RAP1A: variants seen among roughly 807,000 people sequenced by gnomAD.
RAP1A encodes ras-related protein Rap-1A.
RAP1A carries 6 observed loss-of-function variants against 26.4 expected under a neutral mutation model. That is an observed-to-expected ratio of 0.23 (90% CI 0.12 to 0.45). RAP1A has a LOEUF of 0.45. Ranked by LOEUF, RAP1A falls within the 20% of genes least tolerant of loss-of-function variation. RAP1A has a pLI of 0.99. For missense variants in RAP1A, 121 were observed against 217.2 expected (o/e 0.56, Z 2.78); for synonymous variants, 73 against 79.4 (o/e 0.92, Z 0.43).
rs2800905 is a variant in RAP1A, at chr1:111,565,700, G to A, written c.-28+23191G>A. 6.3e-3 allele frequency among the ~76,000 whole-genome samples: 962 copies of A among 152,168 alleles called. 12 individuals carry two copies. The highest frequency in any genetic ancestry group is 0.022 in the African/African-American group (910 of 41,480). ...CCTTTAAATTCAACCTTACAGTTTT[G>A]GTAGGACTACTTCTACTTTTGTCAT... On this transcript the variant is annotated intron_variant, in intron 1 of 7. Coordinates refer to the RAP1A transcript ENST00000356415.
At chr1:111,670,071 T>A (rs758031156) in intron 1 of RAP1A, among the ~76,000 whole-genome samples, 1 of 150,648 alleles carries the variant, frequency 6.6e-6, no homozygotes. Context: ...AAACTGGGAG[T>A]TTTTTTTTGT....
chr1:111,589,650 T>G (rs1658434285), intron 1 of RAP1A, among the ~76,000 whole-genome samples: 1 of 152,222 alleles, frequency 6.6e-6, no homozygotes, highest in African/African-American at 2.4e-5. Flanking sequence ...CATACAGTTT[T>G]CTGATTCCTT....
At chr1:111,591,401 T>C (rs544188781) in intron 1 of RAP1A, among the ~76,000 whole-genome samples, 182 of 152,340 alleles carry the variant, frequency 1.2e-3, no homozygotes, top group African/African-American at 4.3e-3. Context: ...ATTCAATGTC[T>C]TGAGATGGAC....
At chr1:111,594,737 A>T (rs1658535084) in intron 1 of RAP1A, among the ~76,000 whole-genome samples, 1 of 152,156 alleles carries the variant, frequency 6.6e-6, no homozygotes, top group Admixed American at 6.5e-5. Context: ...ACCTGAGCCC[A>T]CTGATGAATA....
chr1:111,631,206 C>T (rs1659557924), intron 1 of RAP1A, among the ~76,000 whole-genome samples: 1 of 152,158 alleles, frequency 6.6e-6, no homozygotes, highest in Non-Finnish European at 1.5e-5. Context: ...GATCCTAGCA[C>T]TGGGTTTTGT....
At chr1:111,655,658 C>CT (rs34266778) in intron 1 of RAP1A, among the ~76,000 whole-genome samples, 33,613 of 84,674 alleles carry the variant, frequency 0.4, 9,573 homozygotes, top group East Asian at 0.57. Flanking sequence ...TGTTCATAGT[C>CT]TTTTTTTTTT....
chr1:111,543,890 T>TAG (rs1389790057), intron 1 of RAP1A, among the ~76,000 whole-genome samples: 2 of 152,014 alleles, frequency 1.3e-5, no homozygotes, highest in East Asian at 3.9e-4. Context: ...AGAGAGAGAG[T>TAG]AGACAATGAT....
chr1:111,591,709 T>C (rs1201155309), intron 1 of RAP1A, among the ~76,000 whole-genome samples: 1 of 152,244 alleles, frequency 6.6e-6, no homozygotes, highest in African/African-American at 2.4e-5. Flanking sequence ...GGTGTCATGA[T>C]GTCACCAGAG....
chr1:111,549,456 C>T (rs965892289), intron 1 of RAP1A, among the ~76,000 whole-genome samples: 2 of 151,634 alleles, frequency 1.3e-5, no homozygotes. Context: ...CAAGACCAGC[C>T]TGACCAATAT....
chr1:111,658,948 T>C (rs572005200), intron 1 of RAP1A, among the ~76,000 whole-genome samples: 8 of 152,212 alleles, frequency 5.3e-5, no homozygotes, highest in African/African-American at 1.9e-4. Flanking sequence ...AGAATTGTTA[T>C]GTCTTCTTGG....
chr1:111,552,252 C>G lies in RAP1A; in HGVS notation c.-28+9743C>G, dbSNP rs138239563. 1.6e-4 allele frequency among the ~76,000 whole-genome samples: 24 copies of G among 152,316 alleles called. 1 individual carries two copies. The East Asian group carries it at 4.6e-3, about 29-fold the overall frequency. On this transcript the variant is annotated intron_variant, in intron 1 of 7. Coordinates refer to the RAP1A transcript ENST00000356415. ...ATATTTCCAAATGACGACATTCATT[C>G]TCCTTCTTCTGGTACTGGTGCTAGA...
intron 1 of RAP1A, among the ~76,000 whole-genome samples, chr1:111,606,606 G>T (rs1658784763): frequency 6.6e-6 from 1 of 152,162 alleles, no homozygotes; most frequent in South Asian, 2.1e-4. Context: ...ACCATACAGG[G>T]AGTCTGCAGG....
intron 1 of RAP1A, among the ~76,000 whole-genome samples, chr1:111,597,232 A>C (rs1046740046): frequency 3.3e-5 from 5 of 152,156 alleles, no homozygotes; most frequent in African/African-American, 7.2e-5. Flanking sequence ...GAGTGAAGAA[A>C]AACTTTATTT....
chr1:111,575,636 A>G (rs756981989), intron 1 of RAP1A, among the ~76,000 whole-genome samples: 1 of 152,166 alleles, frequency 6.6e-6, no homozygotes. Context: ...TGACACAGAG[A>G]CACCAGGCAC....
chr1:111,708,085 A>G (rs1276679976), intron 6 of RAP1A, among the ~76,000 whole-genome samples: 1 of 152,198 alleles, frequency 6.6e-6, no homozygotes, highest in African/African-American at 2.4e-5. Flanking sequence ...CTGAGATGGA[A>G]GGATCACTTG....
chr1:111,549,387 G>A (rs772641715), intron 1 of RAP1A, among the ~76,000 whole-genome samples: 13 of 146,626 alleles, frequency 8.9e-5, no homozygotes, highest in Non-Finnish European at 1.5e-4. Context: ...GGTGGCTCAC[G>A]CTTGTAATCC....
chr1:111,631,696 C>T (rs868224619), intron 1 of RAP1A, among the ~76,000 whole-genome samples: 3 of 152,166 alleles, frequency 2.0e-5, no homozygotes, highest in East Asian at 1.9e-4. Context: ...GAGACTGCCT[C>T]TGTCCCTATA....
intron 4 of RAP1A, 51 bp downstream of exon 4, chr1:111,697,548 T>C (rs1661874861): frequency 6.2e-7 from 1 of 1,604,896 alleles, no homozygotes; most frequent in Admixed American, 1.7e-5. Context: ...GAGCAGGTTT[T>C]GTCATCTGAG....
intron 1 of RAP1A, among the ~76,000 whole-genome samples, chr1:111,632,688 G>A (rs149644847): frequency 3.9e-5 from 6 of 152,016 alleles, no homozygotes; most frequent in East Asian, 1.9e-4. Context: ...CGAGGCGGGC[G>A]GATCACCTGA....
Sources: allele counts gnomAD v4.1 joint callset (sites outside exome capture counted in the v4.1 genomes callset), GRCh38; gene constraint gnomAD v4.1.1; transcripts MANE v1.5; gene names NCBI Gene and HGNC (gene_info 2026-07-23, HGNC 2026-07-21).